The following RTN4 variants were observed in gnomAD, a reference collection of about 807,000 sequenced individuals.
RTN4 encodes reticulon-4.
RTN4 carries 32 observed loss-of-function variants against 90.4 expected under a neutral mutation model. That is an observed-to-expected ratio of 0.35 (90% CI 0.27 to 0.48). The LOEUF (loss-of-function observed/expected upper bound fraction) is 0.48, where lower values mean the gene tolerates loss of function less well. Ranked by LOEUF, RTN4 falls within the 20% of genes least tolerant of loss-of-function variation. RTN4 has a pLI of 0.99. For synonymous variants in RTN4, 629 were observed against 552.5 expected (o/e 1.14, Z -1.94); for missense variants, 1,706 against 1,430.2 (o/e 1.19, Z -3.11).
At chr2:55,101,461 A>G (rs1667851711) in intron 1 of RTN4, among the ~76,000 whole-genome samples, 2 of 152,164 alleles carry the variant, frequency 1.3e-5, no homozygotes, top group African/African-American at 4.8e-5. Flanking sequence ...TATTAATACA[A>G]TAACTGAAGT....
rs528855182 is a variant in RTN4, at chr2:55,094,911, G to A, written c.-213-14272C>T. ...CAAGAAATTCATATAAGAAACTTCA[G>A]ATTTTGAATACCAATGAAATAACCA... On this transcript the variant is annotated intron_variant, in intron 1 of 3. Coordinates refer to the RTN4 transcript ENST00000427710. 1.3e-4 allele frequency among the ~76,000 whole-genome samples: 20 copies of A among 152,318 alleles called. 1 individual carries two copies. The highest frequency in any genetic ancestry group is 1.2e-3 in the Admixed American group (19 of 15,298).
intron 3 of RTN4, among the ~76,000 whole-genome samples, chr2:55,013,535 T>C (rs1480797654): frequency 1.4e-5 from 2 of 137,974 alleles, no homozygotes; most frequent in Non-Finnish European, 3.0e-5. Flanking sequence ...TACGCATAAA[T>C]CAATTCCTAC....
intron 1 of RTN4, among the ~76,000 whole-genome samples, chr2:55,042,234 C>T (rs1416397299): frequency 6.6e-6 from 1 of 152,108 alleles, no homozygotes; most frequent in East Asian, 1.9e-4. Context: ...GCATTAGCTA[C>T]CAACATTTTA....
Position 54,974,478 on chromosome 2 carries a change from A to G in RTN4, c.3430+217T>C, listed in dbSNP as rs575461155. On this transcript the variant is annotated intron_variant, in intron 6 of 8. Coordinates refer to ENST00000337526, the MANE Select transcript of RTN4 (RefSeq NM_020532.5). ...CTATTTTTAGTAGAAATGGGGTTTC[A>G]CCATGTTAGCCAGGCTGGTCTCGAA... Among the ~76,000 whole-genome samples the G allele has an allele frequency of 7.9e-5, 12 of 152,264 alleles. No individual in the cohort carries two copies. The East Asian group carries it at 2.1e-3, about 27-fold the overall frequency.
At chr2:55,103,855 C>T (rs60081262) in intron 1 of RTN4, among the ~76,000 whole-genome samples, 4,278 of 151,906 alleles carry the variant, frequency 0.028, 205 homozygotes, top group African/African-American at 0.098. Context: ...CCACCACACC[C>T]GCCTAATTTT....
chr2:55,008,296 C>T (rs546968828), intron 3 of RTN4, among the ~76,000 whole-genome samples: 11 of 151,998 alleles, frequency 7.2e-5, no homozygotes, highest in African/African-American at 2.2e-4. Context: ...TTTACCTAGA[C>T]CCTAGATTAG....
At chr2:55,053,854 G>T (rs533022633), upstream of RTN4, among the ~76,000 whole-genome samples, 125 of 152,284 alleles carry the variant, frequency 8.2e-4, 2 homozygotes, top group Middle Eastern at 0.017. Context: ...ACTTTGGGAG[G>T]TCAGCTTAAC....
chr2:55,104,365 A>AAT (rs1667905596), intron 1 of RTN4, among the ~76,000 whole-genome samples: 1 of 137,470 alleles, frequency 7.3e-6, no homozygotes, highest in South Asian at 2.3e-4. Context: ...CTGTTTTTTA[A>AAT]ATTTTTGAGA....
intron 3 of RTN4, among the ~76,000 whole-genome samples, chr2:54,990,286 C>A (rs1033026483): frequency 4.6e-5 from 7 of 152,086 alleles, no homozygotes; most frequent in Non-Finnish European, 7.4e-5. Flanking sequence ...TCATGTCTCA[C>A]CACAAAAATA....
At chr2:55,127,427 G>C in the RTN4 span, among the ~76,000 whole-genome samples, 21 of 152,290 alleles carry the variant, frequency 1.4e-4, no homozygotes, top group African/African-American at 4.6e-4. Context: ...CTTACAATTT[G>C]ACAACTTGAT....
chr2:55,050,501 C>T (rs1422604783), upstream of RTN4: 2 of 405,094 alleles, frequency 4.9e-6, no homozygotes, highest in African/African-American at 2.1e-5. This position sits in a 1 kb window ranked among gnomAD's most constrained non-coding sequence, Gnocchi z 4.6. Context: ...CCGCCCTGTC[C>T]CCACTTGCCG....
intron 5 of RTN4, among the ~76,000 whole-genome samples, chr2:54,981,870 A>AG (rs1678158901): frequency 6.6e-6 from 1 of 152,206 alleles, no homozygotes; most frequent in Non-Finnish European, 1.5e-5. Context: ...ATAATGCATT[A>AG]GACGATCTTT....
At chr2:55,094,661 A>G (rs1452088106) in intron 1 of RTN4, among the ~76,000 whole-genome samples, 2 of 152,212 alleles carry the variant, frequency 1.3e-5, no homozygotes, top group Non-Finnish European at 2.9e-5. Flanking sequence ...AGATCAGGTC[A>G]TCAAAGGAGG....
chr2:55,026,889 C>T lies in RTN4; in HGVS notation c.1210G>A (p.Asp404Asn). The change falls in exon 3 of 9, where the codon GAT (aspartate) becomes AAT (asparagine). Residue 404 changes from aspartate to asparagine, a missense_variant. By Grantham distance (23) the Asp-to-Asn change is conservative. Transcript: ENST00000337526. ...WEVKDSKEDS[D>N]MLAAGGKIES... ...ATTTTACCTCCAGCAGCCAACATAT[C>T]ACTATCTTCCTTACTATCTTTCACT... The T allele has an allele frequency of 2.5e-6, 4 of 1,613,838 alleles. No individual in the cohort carries two copies. The South Asian group carries it at 4.4e-5, about 18-fold the overall frequency.
At chr2:55,132,449 G>A in the RTN4 span, among the ~76,000 whole-genome samples, 7 of 151,632 alleles carry the variant, frequency 4.6e-5, no homozygotes, top group South Asian at 1.0e-3. Context: ...GTTGCAGTGA[G>A]CCAAGATGGT....
At chr2:54,991,632 G>C (rs965659226) in intron 3 of RTN4, among the ~76,000 whole-genome samples, 30 of 152,186 alleles carry the variant, frequency 2.0e-4, no homozygotes, top group African/African-American at 7.0e-4. Context: ...CAAATTCCCT[G>C]TCAGTGGATC....
At position 55,025,665 on chromosome 2, in the gene RTN4, C is replaced by T. The variant is rs762033500; in HGVS notation, c.2434G>A (p.Asp812Asn). The T allele has an allele frequency of 8.7e-6, 14 of 1,613,690 alleles. No homozygotes were observed. The Admixed American group carries it at 2.3e-4, about 27-fold the overall frequency. Residue 812 changes from aspartate (D) to asparagine (N), a missense_variant, in exon 3 of 9, where the codon GAT becomes AAT. Asp to Asn is a conservative substitution (Grantham distance 23). Coordinates refer to ENST00000337526, the MANE Select transcript of RTN4 (RefSeq NM_020532.5). Reference sequence around the variant, plus strand: ...GAAACTTCATCAGGTAACAGGGTATCTTTTGTGTTATCTAAACTGAGCTTA... The same window carrying T: ...GAAACTTCATCAGGTAACAGGGTATTTTTTGTGTTATCTAAACTGAGCTTA... ...SFKLSLDNTK[D>N]TLLPDEVSTL... is the part of the protein sequence containing the mutation.
At position 55,026,189 on chromosome 2, in the gene RTN4, G is replaced by A. The variant is rs1429435603; in HGVS notation, c.1910C>T (p.Ser637Leu). 1 of 1,613,612 alleles carries A rather than the reference G, an allele frequency of 6.2e-7. No homozygotes were observed. Among genetic ancestry groups the A allele is most frequent in the Admixed American group, 1.7e-5 (1 of 59,864 alleles). Residue 637 changes from serine (S) to leucine (L), a missense_variant, in exon 3 of 9, where the codon TCA (serine) becomes TTA (leucine). By Grantham distance (145) the Ser-to-Leu change is moderately radical (BLOSUM62 -2). Transcript: ENST00000337526. The part of the protein sequence containing the change: ...AGASVIQPSS[S>L]PLEASSVNYE... ...ATTAACTGAAGAAGCTTCTAATGGT[G>A]ATGAGCTGGGCTGTATCACGGAAGC...
At chr2:55,048,090 A>C (rs1229858008) in intron 1 of RTN4, among the ~76,000 whole-genome samples, 6 of 152,270 alleles carry the variant, frequency 3.9e-5, no homozygotes, top group African/African-American at 1.2e-4. Flanking sequence ...TAACCTATAC[A>C]GGATGTTACT....
Sources: allele counts gnomAD v4.1 joint callset (sites outside exome capture counted in the v4.1 genomes callset), GRCh38; gene constraint gnomAD v4.1.1; non-coding constraint Gnocchi (gnomAD v3.1); transcripts MANE v1.5; gene names NCBI Gene and HGNC (gene_info 2026-07-23, HGNC 2026-07-21).